CTNNA2: variants seen among roughly 807,000 people sequenced by gnomAD.
The protein encoded by CTNNA2 is catenin alpha 2.
CTNNA2 carries 42 observed loss-of-function variants against 101.0 expected under a neutral mutation model. The observed-to-expected ratio is 0.42, with a 90% CI of 0.32 to 0.54. The LOEUF is 0.54. Ranked by LOEUF, CTNNA2 falls within the 20% of genes least tolerant of loss-of-function variation. The pLI is 0.14. For missense variants in CTNNA2, 871 were observed against 1,223.1 expected (o/e 0.71, Z 4.29); for synonymous variants, 450 against 456.4 (o/e 0.99, Z 0.18).
At chr2:79,393,132 G>A (rs1176501166) in intron 4 of CTNNA2, among the ~76,000 whole-genome samples, 1 of 152,072 alleles carries the variant, frequency 6.6e-6, no homozygotes, top group Non-Finnish European at 1.5e-5. Flanking sequence ...TTTAAGGTTG[G>A]GACCAGTAGA....
Position 79,896,818 on chromosome 2 carries a change from G to A in CTNNA2, c.853-12776G>A, listed in dbSNP as rs148931208. ...TGTTTCCAGAGAAGGATCCACATAC[G>A]CTGCCAAGAAGCATCAGAGAGGAAG... On this transcript the variant is annotated intron_variant, in intron 6 of 18. Coordinates refer to ENST00000402739, the MANE Select transcript of CTNNA2 (RefSeq NM_001282597.3). Among the ~76,000 whole-genome samples, 38 of 152,298 alleles carry A rather than the reference G, an allele frequency of 2.5e-4. 1 individual carries two copies. The highest frequency in any genetic ancestry group is 8.4e-4 in the African/African-American group (35 of 41,578).
rs1693393440 is a variant in CTNNA2 at position 80,559,878 on chromosome 2, T to TATATCTATATC, written c.1741+3985_1741+3986insATATCTATATC. 9.2e-3 allele frequency among the ~76,000 whole-genome samples: 1,048 copies of TATATCTATATC among 114,008 alleles called. 19 individuals are homozygous for TATATCTATATC. The highest frequency in any genetic ancestry group is 0.03 in the African/African-American group (1,002 of 33,122). 74.8% of individuals were successfully genotyped at this position (114,008 alleles called of 152,430 possible). A position where few individuals can be genotyped will look rare whatever the true frequency, so the allele number is the denominator to read the frequency against. On this transcript the variant is annotated intron_variant, in intron 12 of 18. Coordinates refer to ENST00000402739, the MANE Select transcript of CTNNA2 (RefSeq NM_001282597.3). ...GAAAGCACATTCAGCGATATCATAT[T>TATATCTATATC]TATATATATATATACACACACATAC...
At chr2:80,010,650 T>C (rs1693713534) in intron 7 of CTNNA2, among the ~76,000 whole-genome samples, 1 of 152,084 alleles carries the variant, frequency 6.6e-6, no homozygotes, top group Non-Finnish European at 1.5e-5. Context: ...GATTTTGAAA[T>C]TGTCATAGTT....
intron 3 of CTNNA2, among the ~76,000 whole-genome samples, chr2:79,813,133 G>C (rs1219584914): frequency 6.6e-6 from 1 of 152,192 alleles, no homozygotes; most frequent in Non-Finnish European, 1.5e-5. Context: ...GGGTAAAGCA[G>C]ATTGACTTTG....
intron 7 of CTNNA2, among the ~76,000 whole-genome samples, chr2:80,249,569 T>C (rs1281093321): frequency 1.3e-5 from 2 of 152,192 alleles, no homozygotes; most frequent in African/African-American, 4.8e-5. Flanking sequence ...CTACTATTAT[T>C]ATATTAATTA....
chr2:80,090,840 A>G (rs755264780), intron 7 of CTNNA2, among the ~76,000 whole-genome samples: 2 of 152,090 alleles, frequency 1.3e-5, no homozygotes, highest in Non-Finnish European at 2.9e-5. Flanking sequence ...CTAAGATTCT[A>G]GTTTTTATAT....
chr2:79,272,152 A>T (rs955037103), intron 2 of CTNNA2, among the ~76,000 whole-genome samples: 2 of 152,066 alleles, frequency 1.3e-5, no homozygotes, highest in African/African-American at 4.8e-5. Flanking sequence ...AGTTGGTGAT[A>T]TTATCTGTTC....
intron 7 of CTNNA2, among the ~76,000 whole-genome samples, chr2:80,259,611 C>T (rs1672441705): frequency 6.6e-6 from 1 of 152,202 alleles, no homozygotes; most frequent in African/African-American, 2.4e-5. Context: ...TCACCAGAGT[C>T]TCTGTGGATC....
At position 79,844,979 on chromosome 2, in the gene CTNNA2, T is replaced by TAC. The variant is rs59885288; in HGVS notation, c.299-13012_299-13011dup. On this transcript the variant is annotated intron_variant, in intron 3 of 18. Transcript: ENST00000402739. ...GGAGGGATAAAGAATGAAAACAAAC[T>TAC]ACACACACACACACACACACACATA... Among the ~76,000 whole-genome samples the TAC allele has an allele frequency of 3.0e-3, 419 of 140,296 alleles. 4 individuals are homozygous for TAC. The highest frequency in any genetic ancestry group is 4.1e-3 in the Non-Finnish European group (268 of 65,322). The allele number at this position is 140,296 out of a possible 152,430, so 92.0% of individuals were successfully genotyped here.
At chr2:80,240,659 GT>G (rs939893155) in intron 7 of CTNNA2, among the ~76,000 whole-genome samples, 1 of 151,656 alleles carries the variant, frequency 6.6e-6, no homozygotes, top group Non-Finnish European at 1.5e-5. Context: ...ACATGATTCT[GT>G]TTTTTTTGCT....
At chr2:79,977,678 C>T (rs1690967180) in intron 7 of CTNNA2, among the ~76,000 whole-genome samples, 1 of 152,024 alleles carries the variant, frequency 6.6e-6, no homozygotes, top group South Asian at 2.1e-4. Flanking sequence ...GTAGATTTTT[C>T]TCTGTTGGAA....
chr2:79,701,738 A>C (rs1021440327), intron 2 of CTNNA2, among the ~76,000 whole-genome samples: 1 of 152,172 alleles, frequency 6.6e-6, no homozygotes, highest in Non-Finnish European at 1.5e-5. Context: ...ATGATGGCTC[A>C]TGCCTGTAAT....
rs527733941 is a variant in CTNNA2, at chr2:80,369,297, C to A, written c.1057-23914C>A. Among the ~76,000 whole-genome samples, 3 of 152,202 alleles carry A rather than the reference C, an allele frequency of 2.0e-5. No homozygotes were observed. In the South Asian group the frequency reaches 6.2e-4, roughly 32 times the overall value. On this transcript the variant is annotated intron_variant, in intron 7 of 18. Transcript: ENST00000402739. Reference sequence around the variant, plus strand: ...TATATCTAAACGTTTAGAAAGGACACTTAAAAATAAGGCAGGGACTTCTTA... The same window carrying A: ...TATATCTAAACGTTTAGAAAGGACAATTAAAAATAAGGCAGGGACTTCTTA...
At chr2:79,736,201 A>C (rs192224886) in intron 2 of CTNNA2, among the ~76,000 whole-genome samples, 272 of 152,306 alleles carry the variant, frequency 1.8e-3, no homozygotes, top group South Asian at 0.011. Flanking sequence ...TACAACATAC[A>C]ACATACATAT....
intron 2 of CTNNA2, among the ~76,000 whole-genome samples, chr2:79,686,752 C>T (rs1683957904): frequency 1.3e-5 from 2 of 151,956 alleles, no homozygotes; most frequent in South Asian, 4.1e-4. Context: ...ATTTTTAAGG[C>T]ATTTCACACA....
At chr2:80,251,794 C>A (rs1671787111) in intron 7 of CTNNA2, among the ~76,000 whole-genome samples, 1 of 152,152 alleles carries the variant, frequency 6.6e-6, no homozygotes, top group Non-Finnish European at 1.5e-5. Flanking sequence ...CCTACAAATA[C>A]TTAATTAAGA....
chr2:80,599,653 T>TTAG (rs1697293843), intron 15 of CTNNA2, among the ~76,000 whole-genome samples: 1 of 152,188 alleles, frequency 6.6e-6, no homozygotes, highest in Admixed American at 6.5e-5. Context: ...TGAAACTTTC[T>TTAG]TAGAAGGGTG....
intron 4 of CTNNA2, among the ~76,000 whole-genome samples, chr2:79,428,328 C>CT (rs1427177900): frequency 6.6e-6 from 1 of 152,032 alleles, no homozygotes; most frequent in Non-Finnish European, 1.5e-5. Context: ...TAAATGGTGA[C>CT]TTTCTGCTAT....
intron 7 of CTNNA2, among the ~76,000 whole-genome samples, chr2:80,145,529 G>A (rs1049476314): frequency 1.3e-5 from 2 of 152,144 alleles, no homozygotes; most frequent in African/African-American, 4.8e-5. Context: ...TACTCCATAT[G>A]GAATACACAG....
Sources: gnomAD v4.1 joint callset for allele counts (sites outside exome capture counted in the v4.1 genomes callset) on GRCh38, gnomAD v4.1.1 for gene constraint, MANE v1.5 for transcripts, NCBI Gene and HGNC (gene_info 2026-07-23, HGNC 2026-07-21) for gene names.